ADAM22: variants seen among roughly 807,000 people sequenced by gnomAD.
ADAM22 encodes disintegrin and metalloproteinase domain-containing protein 22.
In ADAM22, 65 loss-of-function variants were observed where a neutral mutation model predicts 144.6. The observed-to-expected ratio is 0.45, with a 90% CI of 0.37 to 0.55. The LOEUF is 0.55. Among genes scored for constraint, ADAM22 ranks in the 20% least tolerant of loss-of-function variants. ADAM22 has a pLI of 0.00. For synonymous variants in ADAM22, 391 were observed against 412.6 expected, an observed-to-expected ratio of 0.95 and a Z score of 0.63; for missense variants, 974 against 1,184.9, an observed-to-expected ratio of 0.82 and a Z score of 2.61.
rs1586697986 is a variant in ADAM22, at chr7:88,199,608, A to G, written c.*3117A>G. On this transcript the variant is annotated 3_prime_UTR_variant, in exon 32 of 32. Transcript: ENST00000413139. ...ACATGCAATCTGTGGAAAGGAATAC[A>G]TCGGACAGTGCAACATGGTGAGGGC... 2 of 152,320 alleles carry G rather than the reference A, an allele frequency of 1.3e-5. No individual in the cohort carries two copies. Among genetic ancestry groups the G allele is most frequent in the South Asian group, 2.1e-4 (1 of 4,828 alleles). The allele number at this position is 152,320 out of a possible 1,614,324, so 9.4% of individuals were successfully genotyped here.
chr7:87,936,710 G>A (rs1418570537), intron 2 of ADAM22, among the ~76,000 whole-genome samples: 1 of 151,840 alleles, frequency 6.6e-6, no homozygotes, highest in Non-Finnish European at 1.5e-5. Flanking sequence ...TTTTAAAAAT[G>A]CAACCATGTT....
At chr7:87,966,897 A>C (rs1332001402) in intron 2 of ADAM22, among the ~76,000 whole-genome samples, 2 of 151,902 alleles carry the variant, frequency 1.3e-5, no homozygotes, top group Admixed American at 6.6e-5. Context: ...CCCCGCCCAC[A>C]TCTCATCTTG....
chr7:88,143,231 C>A, intron 15 of ADAM22, 106 bp downstream of exon 15: 1 of 747,824 alleles, frequency 1.3e-6, no homozygotes, highest in Non-Finnish European at 2.2e-6. Context: ...TTTCAACTTG[C>A]CCTGTATGTA....
chr7:88,103,866 A>T (rs1316992239), intron 4 of ADAM22, among the ~76,000 whole-genome samples: 1 of 152,186 alleles, frequency 6.6e-6, no homozygotes. Context: ...TCTTTACTGA[A>T]ATAGATAATT....
chr7:88,060,478 A>G (rs1387677724), intron 3 of ADAM22, among the ~76,000 whole-genome samples: 1 of 152,192 alleles, frequency 6.6e-6, no homozygotes, highest in Non-Finnish European at 1.5e-5. Context: ...CCTTAAAAAT[A>G]CACTGTTTTT....
At chr7:88,138,635 T>C (rs981575059) in intron 14 of ADAM22, among the ~76,000 whole-genome samples, 9 of 152,234 alleles carry the variant, frequency 5.9e-5, no homozygotes, top group African/African-American at 9.6e-5. Context: ...TTTAAAGGTA[T>C]GAAAATTAAA....
At chr7:88,023,052 C>T (rs1240469139) in intron 3 of ADAM22, among the ~76,000 whole-genome samples, 1 of 152,140 alleles carries the variant, frequency 6.6e-6, no homozygotes, top group East Asian at 1.9e-4. Flanking sequence ...TTATAAGTAT[C>T]TGAAACCTGA....
chr7:88,091,289 A>T (rs745803553), intron 4 of ADAM22, among the ~76,000 whole-genome samples: 1 of 152,138 alleles, frequency 6.6e-6, no homozygotes, highest in Non-Finnish European at 1.5e-5. Context: ...AGTTAATGAC[A>T]CTCATCTTAA....
At chr7:88,130,184 A>G (rs1490706736) in intron 9 of ADAM22, among the ~76,000 whole-genome samples, 5 of 151,986 alleles carry the variant, frequency 3.3e-5, no homozygotes, top group Admixed American at 6.6e-5. Context: ...CCTTTAAGAG[A>G]CTTGTCTCAG....
chr7:88,050,983 A>G (rs1355838973), intron 3 of ADAM22, among the ~76,000 whole-genome samples: 4 of 152,144 alleles, frequency 2.6e-5, no homozygotes, highest in Non-Finnish European at 5.9e-5. Flanking sequence ...TAGGGTTTTT[A>G]TGGTTTTAGG....
chr7:88,162,048 A>C (rs1180769896), intron 22 of ADAM22, among the ~76,000 whole-genome samples: 1 of 151,466 alleles, frequency 6.6e-6, no homozygotes, highest in Non-Finnish European at 1.5e-5. Flanking sequence ...AAGACATGGA[A>C]TCAACCTAAA....
intron 2 of ADAM22, among the ~76,000 whole-genome samples, chr7:87,952,402 T>C (rs2131418086): frequency 6.6e-6 from 1 of 152,344 alleles, no homozygotes; most frequent in East Asian, 1.9e-4. Context: ...GAGATAATCA[T>C]ATGGTTTTTG....
At chr7:87,992,942 T>G (rs1790246079) in intron 3 of ADAM22, among the ~76,000 whole-genome samples, 1 of 152,106 alleles carries the variant, frequency 6.6e-6, no homozygotes, top group Admixed American at 6.5e-5. Flanking sequence ...TCTTAAACCT[T>G]GGTAAAGTAA....
At chr7:88,133,499 A>G (rs1486079602) in intron 12 of ADAM22, among the ~76,000 whole-genome samples, 1 of 152,108 alleles carries the variant, frequency 6.6e-6, no homozygotes, top group Non-Finnish European at 1.5e-5. Context: ...TTATATATTC[A>G]TGTTATGCTT....
At position 88,171,909 on chromosome 7, in the gene ADAM22, C is replaced by T. The variant is rs1032327953; in HGVS notation, c.2300+348C>T. Among the ~76,000 whole-genome samples, 3 of 151,656 alleles carry T rather than the reference C, an allele frequency of 2.0e-5. No homozygotes were observed. The South Asian group carries it at 6.2e-4, about 31-fold the overall frequency. On this transcript the variant is annotated intron_variant, in intron 26 of 31. Transcript: ENST00000413139. ...TCCCATTTGTTTACATTAATATTAG[C>T]TTTTCTTCATGTTTGTAACACTCTT... is the stretch of plus-strand genomic sequence containing the variant.
chr7:87,964,841 C>A lies in ADAM22; in HGVS notation c.247-13495C>A, dbSNP rs1584662392. On this transcript the variant is annotated intron_variant, in intron 2 of 31. Coordinates refer to ENST00000413139, the MANE Select transcript of ADAM22 (RefSeq NM_001324418.2). The stretch of plus-strand genomic sequence containing the variant: ...GACACCAGCTGGTAGTATGTGGAAG[C>A]CTCTGAGTTTAAGAATTTGGGGGCA... 3.9e-5 allele frequency among the ~76,000 whole-genome samples: 6 copies of A among 152,250 alleles called. No homozygotes were observed. In the South Asian group the frequency reaches 1.0e-3, roughly 26 times the overall value.
At chr7:88,191,991 G>A (rs1385878835) in intron 30 of ADAM22, among the ~76,000 whole-genome samples, 1 of 152,088 alleles carries the variant, frequency 6.6e-6, no homozygotes, top group Non-Finnish European at 1.5e-5. Context: ...GATATTATAC[G>A]CATGCAAACC....
chr7:88,175,436 T>A (rs781275519), intron 26 of ADAM22, among the ~76,000 whole-genome samples: 31 of 152,142 alleles, frequency 2.0e-4, no homozygotes, highest in Non-Finnish European at 3.4e-4. Context: ...TTTAATGGGA[T>A]GTATCGATTC....
chr7:88,133,362 CTAAATAAATAAATAAATAAA>C (rs3085472), intron 12 of ADAM22, among the ~76,000 whole-genome samples: 4 of 142,160 alleles, frequency 2.8e-5, no homozygotes, highest in Non-Finnish European at 6.1e-5. Context: ...GACCCTGTCT[CTAAATAAATAAATAAATAAA>C]TAAATAAATA....
Sources: allele counts gnomAD v4.1 joint callset (sites outside exome capture counted in the v4.1 genomes callset), GRCh38; gene constraint gnomAD v4.1.1; transcripts MANE v1.5; gene names NCBI Gene and HGNC (gene_info 2026-07-23, HGNC 2026-07-21).